FBXO34: variants seen among roughly 807,000 people sequenced by gnomAD.
FBXO34 encodes F-box only protein 34.
FBXO34 carries 12 observed loss-of-function variants against 24.5 expected under a neutral mutation model. That is an observed-to-expected ratio of 0.49 (90% CI 0.31 to 0.79). The LOEUF (loss-of-function observed/expected upper bound fraction) is 0.79, where lower values mean the gene tolerates loss of function less well. Among genes scored for constraint, FBXO34 ranks in the 30% least tolerant of loss-of-function variants. The pLI, the probability that FBXO34 is intolerant of heterozygous loss-of-function variation, is 0.04. For synonymous variants in FBXO34, 320 were observed against 311.9 expected, an observed-to-expected ratio of 1.03 and a Z score of -0.27; for missense variants, 823 against 857.7, an observed-to-expected ratio of 0.96 and a Z score of 0.51.
chr14:55,317,784 G>T (rs1349969372), intron 1 of FBXO34, among the ~76,000 whole-genome samples: 2 of 152,122 alleles, frequency 1.3e-5, no homozygotes, highest in East Asian at 3.9e-4. Context: ...AACCCACCAT[G>T]GAGTGGGATC....
chr14:55,411,961 C>G, the FBXO34 span: 2 of 757,856 alleles, frequency 2.6e-6, no homozygotes, highest in African/African-American at 3.5e-5. Flanking sequence ...TGTTCCTGTC[C>G]CGGGCACTGT....
chr14:55,356,333 C>T (rs1452818519), downstream of FBXO34, among the ~76,000 whole-genome samples: 4 of 152,216 alleles, frequency 2.6e-5, no homozygotes, highest in African/African-American at 4.8e-5. Context: ...TTTGTGTACA[C>T]CACCGACTAA....
the FBXO34 span, among the ~76,000 whole-genome samples, chr14:55,402,106 T>C: frequency 6.6e-6 from 1 of 152,102 alleles, no homozygotes; most frequent in South Asian, 2.1e-4. Flanking sequence ...GGGCATGCAC[T>C]CTATTAGGGA....
At chr14:55,398,905 C>G in the FBXO34 span, among the ~76,000 whole-genome samples, 2 of 151,626 alleles carry the variant, frequency 1.3e-5, no homozygotes, top group Admixed American at 1.3e-4. Flanking sequence ...GTGGAGTGAA[C>G]GTGACCCACT....
At chr14:55,373,786 G>C (rs1383636017), downstream of FBXO34, among the ~76,000 whole-genome samples, 2 of 146,278 alleles carry the variant, frequency 1.4e-5, no homozygotes, top group South Asian at 2.2e-4. Context: ...TAATTTTTCT[G>C]TAAGTTTAAA....
the FBXO34 span, chr14:55,411,507 G>C: frequency 8.1e-7 from 1 of 1,228,992 alleles, no homozygotes; most frequent in Non-Finnish European, 1.1e-6. Context: ...GCTGGTATCT[G>C]GTGCCCGGAC....
chr14:55,324,641 G>A (rs1883280790), intron 1 of FBXO34, among the ~76,000 whole-genome samples: 1 of 151,852 alleles, frequency 6.6e-6, no homozygotes, highest in South Asian at 2.1e-4. Context: ...ATGATAGCTG[G>A]CATCTTTATT....
intron 1 of FBXO34, among the ~76,000 whole-genome samples, chr14:55,318,487 C>T (rs1411400930): frequency 7.8e-6 from 1 of 128,280 alleles, no homozygotes; most frequent in African/African-American, 2.9e-5. Context: ...AAGTAACCAT[C>T]TATATGTGGT....
At chr14:55,365,827 G>A (rs1884665543), downstream of FBXO34, among the ~76,000 whole-genome samples, 1 of 152,134 alleles carries the variant, frequency 6.6e-6, no homozygotes, top group African/African-American at 2.4e-5. Flanking sequence ...TATCCTGGCT[G>A]GCCTGGCTCT....
chr14:55,330,753 T>G (rs575121271), intron 1 of FBXO34, among the ~76,000 whole-genome samples: 1 of 152,306 alleles, frequency 6.6e-6, no homozygotes, highest in South Asian at 2.1e-4. Context: ...ATCACGCCAC[T>G]GCACTCGGCC....
chr14:55,300,455 C>G (rs1256136121), intron 1 of FBXO34, among the ~76,000 whole-genome samples: 1 of 152,160 alleles, frequency 6.6e-6, no homozygotes, highest in Non-Finnish European at 1.5e-5. Context: ...ATTAGCCAGA[C>G]CTGGTGGCAC....
At chr14:55,300,003 G>A (rs555876458) in intron 1 of FBXO34, among the ~76,000 whole-genome samples, 1 of 152,170 alleles carries the variant, frequency 6.6e-6, no homozygotes, top group Admixed American at 6.5e-5. Context: ...TATTTCATTG[G>A]CAGTCTAGTA....
the FBXO34 span, among the ~76,000 whole-genome samples, chr14:55,393,844 CCAGCG>C: frequency 6.6e-6 from 1 of 151,396 alleles, no homozygotes; most frequent in Non-Finnish European, 1.5e-5. Flanking sequence ...ACCACCACAC[CCAGCG>C]CAGATTTTAT....
In FBXO34 at chr14:55,278,233, C is replaced by T. The variant is rs576726619; in HGVS notation, c.-11+6696C>T. Among the ~76,000 whole-genome samples the T allele has an allele frequency of 1.5e-4, 23 of 152,294 alleles. 1 individual carries two copies. The South Asian group carries it at 3.1e-3, about 21-fold the overall frequency. Reference sequence around the variant, plus strand: ...GAGCTTTATTGCATTATTGAGTCTGCAGTACATTCAGTTTGTGAGGAACTG... The same window carrying T: ...GAGCTTTATTGCATTATTGAGTCTGTAGTACATTCAGTTTGTGAGGAACTG... On this transcript the variant is annotated intron_variant, in intron 1 of 1. Transcript: ENST00000313833.
At chr14:55,331,809 TATATACACCACCGGGGTGTATATATAAAA>T in intron 1 of FBXO34, among the ~76,000 whole-genome samples, 1 of 70,276 alleles carries the variant, frequency 1.4e-5, no homozygotes, top group African/African-American at 6.1e-5. Context: ...AATATATATA[TATATACACCACCGGGGTGTATATATAAAA>T]ATATATATAT....
chr14:55,428,489 C>T, the FBXO34 span, among the ~76,000 whole-genome samples: 1 of 152,110 alleles, frequency 6.6e-6, no homozygotes, highest in East Asian at 1.9e-4. Context: ...TGACCAGTAG[C>T]ACTGTCATCA....
rs747154929 is a variant in FBXO34 at position 55,353,353 on chromosome 14, A to C, written c.*827A>C. On this transcript the variant is annotated 3_prime_UTR_variant, in exon 2 of 2. Transcript: ENST00000313833. ...TGAATGTTTCCCAAATAAACTATGA[A>C]TGTTTCCTGTATAATATATGAATGT... is the stretch of plus-strand genomic sequence containing the variant. 1 of 167,014 alleles carries C rather than the reference A, an allele frequency of 6.0e-6. No individual in the cohort carries two copies. The highest frequency in any genetic ancestry group is 2.1e-4 in the South Asian group (1 of 4,832). 10.3% of individuals were successfully genotyped at this position (167,014 alleles called of 1,614,324 possible).
At chr14:55,382,973 A>T in the FBXO34 span, among the ~76,000 whole-genome samples, 1 of 152,246 alleles carries the variant, frequency 6.6e-6, no homozygotes, top group Non-Finnish European at 1.5e-5. Context: ...AAAATTAGTA[A>T]AGAGTGACAC....
intron 1 of FBXO34, among the ~76,000 whole-genome samples, chr14:55,319,474 G>C (rs1338052845): frequency 2.6e-5 from 4 of 152,106 alleles, no homozygotes; most frequent in African/African-American, 9.7e-5. Context: ...CCCTCACTAT[G>C]GTTTGTGTTT....
Sources: gnomAD v4.1 joint callset for allele counts (sites outside exome capture counted in the v4.1 genomes callset) on GRCh38, gnomAD v4.1.1 for gene constraint, MANE v1.5 for transcripts, NCBI Gene and HGNC (gene_info 2026-07-23, HGNC 2026-07-21) for gene names.